PRKCA: variants seen among roughly 807,000 people sequenced by gnomAD.
The protein encoded by PRKCA is protein kinase C alpha type.
In PRKCA, 27 loss-of-function variants were observed where a neutral mutation model predicts 87.0. The ratio of observed to expected loss-of-function variants is 0.31; its 90% CI spans 0.23 to 0.43. PRKCA has a LOEUF of 0.43. PRKCA is among the 20% of genes least tolerant of loss of function. PRKCA has a pLI of 1.00. For synonymous variants in PRKCA, 329 were observed against 311.1 expected, an observed-to-expected ratio of 1.06 and a Z score of -0.61; for missense variants, 518 against 852.3, an observed-to-expected ratio of 0.61 and a Z score of 4.88.
chr17:66,765,922 A>G (rs1974803205), intron 13 of PRKCA, among the ~76,000 whole-genome samples: 2 of 152,182 alleles, frequency 1.3e-5, no homozygotes, highest in South Asian at 4.1e-4. Flanking sequence ...TGTGCCCTAT[A>G]CCTGTAACTG....
At chr17:66,739,513 C>A (rs1974109035) in intron 11 of PRKCA, among the ~76,000 whole-genome samples, 1 of 152,184 alleles carries the variant, frequency 6.6e-6, no homozygotes, top group African/African-American at 2.4e-5. Flanking sequence ...TTACACTCCA[C>A]CCTGGAGGTG....
intron 8 of PRKCA, among the ~76,000 whole-genome samples, chr17:66,705,575 A>G (rs1335902199): frequency 6.6e-6 from 1 of 152,230 alleles, no homozygotes; most frequent in African/African-American, 2.4e-5. Context: ...AGTTACAGGG[A>G]TGGCCTTGTG....
At chr17:66,606,174 G>A (rs1410167911) in intron 3 of PRKCA, among the ~76,000 whole-genome samples, 2 of 152,140 alleles carry the variant, frequency 1.3e-5, no homozygotes, top group East Asian at 3.8e-4. Context: ...CGGATCACGA[G>A]GTCAGGAGAT....
chr17:66,573,257 T>G (rs1969131757), intron 3 of PRKCA, among the ~76,000 whole-genome samples: 1 of 152,212 alleles, frequency 6.6e-6, no homozygotes. Flanking sequence ...CCCACACTCC[T>G]GAAATGCCTT....
rs1976088901 is a variant in PRKCA at position 66,808,407 on chromosome 17, G to T, written c.*4370G>T. ...CTTGTATTTTTAAAAGCCTCGGAAA[G>T]GTGATACCATCTGACAGTCATTTTC... On this transcript the variant is annotated 3_prime_UTR_variant, in exon 17 of 17. Coordinates refer to ENST00000413366, the MANE Select transcript of PRKCA (RefSeq NM_002737.3). 6.7e-6 allele frequency: 1 copy of T among 149,068 alleles called. No homozygotes were observed. Among genetic ancestry groups the T allele is most frequent in the South Asian group, 2.1e-4 (1 of 4,724 alleles). The allele number at this position is 149,068 out of a possible 1,614,324, so 9.2% of individuals were successfully genotyped here.
intron 5 of PRKCA, among the ~76,000 whole-genome samples, chr17:66,659,741 A>C (rs7215434): frequency 1.3e-5 from 2 of 151,706 alleles, no homozygotes; most frequent in African/African-American, 4.8e-5. Context: ...ACTCCGTCAC[A>C]AAAAAAAGAA....
At chr17:66,663,737 A>G (rs1011581522) in intron 5 of PRKCA, among the ~76,000 whole-genome samples, 2 of 152,230 alleles carry the variant, frequency 1.3e-5, no homozygotes, top group Admixed American at 6.5e-5. Flanking sequence ...TTCTTGTGCC[A>G]GGCAGGACTG....
chr17:66,746,592 AT>A (rs1266215142), intron 13 of PRKCA, among the ~76,000 whole-genome samples: 1 of 152,178 alleles, frequency 6.6e-6, no homozygotes, highest in Non-Finnish European at 1.5e-5. Context: ...AGGCTTAAGT[AT>A]TTATGGCTAT....
chr17:66,731,706 T>C (rs1455080274), intron 8 of PRKCA, among the ~76,000 whole-genome samples: 1 of 150,654 alleles, frequency 6.6e-6, no homozygotes, highest in African/African-American at 2.4e-5. Flanking sequence ...TAAAAACTCC[T>C]CTGGTAGCTC....
chr17:66,423,067 C>T lies in PRKCA; in HGVS notation c.206-73134C>T, dbSNP rs1181886413. ...TGGAGGTTGCAGTGAGCCCAGATCA[C>T]GCCATTGCACTCCAGCCTGGGTGAT... On this transcript the variant is annotated intron_variant, in intron 2 of 16. Transcript: ENST00000413366. Among the ~76,000 whole-genome samples, 6 of 151,906 alleles carry T rather than the reference C, an allele frequency of 3.9e-5. 1 individual carries two copies. The highest frequency in any genetic ancestry group is 1.5e-4 in the African/African-American group (6 of 41,348).
intron 3 of PRKCA, among the ~76,000 whole-genome samples, chr17:66,564,720 G>A (rs190103394): frequency 7.9e-4 from 120 of 152,232 alleles, no homozygotes; most frequent in African/African-American, 2.8e-3. Context: ...AGTGGCTCAT[G>A]CCTGTAATCC....
chr17:66,568,085 C>G (rs1968953170), intron 3 of PRKCA, among the ~76,000 whole-genome samples: 1 of 152,172 alleles, frequency 6.6e-6, no homozygotes, highest in Non-Finnish European at 1.5e-5. Context: ...GAGGCTGAGG[C>G]AGGCAGATCA....
chr17:66,387,691 C>G (rs1395016990), intron 2 of PRKCA, among the ~76,000 whole-genome samples: 1 of 152,210 alleles, frequency 6.6e-6, no homozygotes, highest in South Asian at 2.1e-4. Context: ...CTGGTTCTCT[C>G]TAAACTGTGG....
chr17:66,641,539 G>T (rs1971297244), intron 4 of PRKCA, 73 bp downstream of exon 4: 3 of 1,092,792 alleles, frequency 2.7e-6, no homozygotes, highest in East Asian at 5.0e-5. Context: ...AGCAAGGAAG[G>T]CTCAGTAACT....
intron 2 of PRKCA, chr17:66,364,293 C>T (rs912100827): frequency 1.3e-5 from 2 of 152,190 alleles, no homozygotes; most frequent in Non-Finnish European, 2.9e-5. Context: ...CACTGCACTC[C>T]AGCCTGACCA....
At chr17:66,315,800 G>A (rs964663376) in intron 2 of PRKCA, among the ~76,000 whole-genome samples, 8 of 152,138 alleles carry the variant, frequency 5.3e-5, no homozygotes, top group South Asian at 2.1e-4. Flanking sequence ...TTTCAATTCA[G>A]TAGCACTTAA....
chr17:66,706,781 G>T (rs1234212673), intron 8 of PRKCA, among the ~76,000 whole-genome samples: 2 of 151,868 alleles, frequency 1.3e-5, no homozygotes, highest in Non-Finnish European at 2.9e-5. Flanking sequence ...ATTCATTCGT[G>T]TGTTGTCCAC....
In PRKCA at chr17:66,805,488, A is replaced by G. The variant is rs533449917; in HGVS notation, c.*1451A>G. On this transcript the variant is annotated 3_prime_UTR_variant, in exon 17 of 17. Transcript: ENST00000413366. ...TTCCCTCCCTGCACATGGGCACTGTATCAGATAGATTACTTTTTAAATGTA... is the reference window on the plus strand; with the variant it reads ...TTCCCTCCCTGCACATGGGCACTGTGTCAGATAGATTACTTTTTAAATGTA... The G allele has an allele frequency of 6.6e-6, 1 of 152,506 alleles. No homozygotes were observed. Among genetic ancestry groups the G allele is most frequent in the Admixed American group, 6.5e-5 (1 of 15,298 alleles). The allele number at this position is 152,506 out of a possible 1,614,324, so 9.4% of individuals were successfully genotyped here.
chr17:66,589,156 G>C (rs1969715678), intron 3 of PRKCA, among the ~76,000 whole-genome samples: 1 of 151,946 alleles, frequency 6.6e-6, no homozygotes, highest in Non-Finnish European at 1.5e-5. Flanking sequence ...CTAGCTTCTT[G>C]ACACCTACCA....
Sources: allele counts gnomAD v4.1 joint callset (sites outside exome capture counted in the v4.1 genomes callset), GRCh38; gene constraint gnomAD v4.1.1; transcripts MANE v1.5; gene names NCBI Gene and HGNC (gene_info 2026-07-23, HGNC 2026-07-21).